The following SVOPL variants were observed in gnomAD, a reference collection of about 807,000 sequenced individuals.
SVOPL encodes the protein SVOP like, also known as putative transporter SVOPL.
SVOPL carries 60 observed loss-of-function variants against 61.0 expected under a neutral mutation model. That is an observed-to-expected ratio of 0.98 (90% CI 0.80 to 1.22). SVOPL has a LOEUF of 1.22. Ranked by LOEUF, SVOPL falls within the 50% of genes most tolerant of loss-of-function variation. The pLI is 0.00. For missense variants in SVOPL, 662 were observed against 643.9 expected (o/e 1.03, Z -0.30); for synonymous variants, 279 against 250.0 (o/e 1.12, Z -1.09).
intron 3 of SVOPL, among the ~76,000 whole-genome samples, chr7:138,676,496 G>A (rs532112405): frequency 6.6e-6 from 1 of 151,006 alleles, no homozygotes; most frequent in Non-Finnish European, 1.5e-5. Context: ...AACTCCTGCT[G>A]CATGAAGCCT....
intron 7 of SVOPL, among the ~76,000 whole-genome samples, chr7:138,652,676 T>C (rs1801499368): frequency 6.6e-6 from 1 of 151,926 alleles, no homozygotes; most frequent in Admixed American, 6.6e-5. Flanking sequence ...AATGCAATGG[T>C]GCCATCTCAG....
chr7:138,682,348 A>C (rs767099904), intron 1 of SVOPL, among the ~76,000 whole-genome samples: 5 of 152,214 alleles, frequency 3.3e-5, no homozygotes, highest in Non-Finnish European at 5.9e-5. Flanking sequence ...AATGAGATGC[A>C]ACAGGAAGAC....
intron 7 of SVOPL, among the ~76,000 whole-genome samples, chr7:138,652,418 C>T (rs533017922): frequency 4.5e-4 from 68 of 151,808 alleles, no homozygotes; most frequent in African/African-American, 1.6e-3. Flanking sequence ...AACTCCTGGC[C>T]TCAAGCAATC....
intron 8 of SVOPL, among the ~76,000 whole-genome samples, chr7:138,648,656 C>T (rs1405377401): frequency 1.3e-5 from 2 of 151,836 alleles, no homozygotes; most frequent in African/African-American, 2.4e-5. Context: ...TGCAGTGAGC[C>T]GAGGTCGCGC....
At chr7:138,630,235 C>T (rs903949152) in intron 9 of SVOPL, 113 bp from the exon 10 acceptor site, 56 of 821,566 alleles carry the variant, frequency 6.8e-5, no homozygotes, top group Non-Finnish European at 1.1e-4. Flanking sequence ...TGGTGGCCTG[C>T]GATAACCACT....
chr7:138,620,979 A>G, intron 14 of SVOPL, 67 bp downstream of exon 14: 1 of 1,403,438 alleles, frequency 7.1e-7, no homozygotes, highest in Non-Finnish European at 9.9e-7. Flanking sequence ...TTTAATCTGA[A>G]GGTCCCTGGG....
At chr7:138,675,219 A>G (rs7790139) in intron 3 of SVOPL, among the ~76,000 whole-genome samples, 4,187 of 151,840 alleles carry the variant, frequency 0.028, 205 homozygotes, top group African/African-American at 0.097. Flanking sequence ...TAGGCAACAT[A>G]GCTAGATCTC....
At chr7:138,603,976 TTTCA>T (rs1798640589) in intron 14 of SVOPL, among the ~76,000 whole-genome samples, 1 of 143,478 alleles carries the variant, frequency 7.0e-6, no homozygotes, top group Non-Finnish European at 1.5e-5. Context: ...TTTTTTTTTT[TTTCA>T]TTGAGACAGC....
At chr7:138,684,703 A>AG (rs1477369341) in intron 1 of SVOPL, among the ~76,000 whole-genome samples, 3 of 152,160 alleles carry the variant, frequency 2.0e-5, no homozygotes, top group Non-Finnish European at 4.4e-5. Flanking sequence ...AACAGTATTG[A>AG]ACTATCCTCA....
chr7:138,629,153 G>GTGTGTGTGTGTGTGTGTGTGTGTGTGTA (rs10624737), intron 10 of SVOPL, among the ~76,000 whole-genome samples: 4 of 147,282 alleles, frequency 2.7e-5, no homozygotes, highest in African/African-American at 1.0e-4. Flanking sequence ...GTGTGTGTGT[G>GTGTGTGTGTGTGTGTGTGTGTGTGTGTA]TATATATGTA....
At chr7:138,651,248 C>T (rs145245282) in intron 7 of SVOPL, among the ~76,000 whole-genome samples, 6 of 152,234 alleles carry the variant, frequency 3.9e-5, no homozygotes, top group East Asian at 1.9e-4. Flanking sequence ...CCAGTGAAAC[C>T]GGTCATCAGA....
chr7:138,624,753 A>G (rs1291301996), intron 13 of SVOPL, among the ~76,000 whole-genome samples: 1 of 150,378 alleles, frequency 6.6e-6, no homozygotes, highest in East Asian at 2.0e-4. Flanking sequence ...GCTGGAGTGC[A>G]GTGGTGCCAT....
chr7:138,651,340 C>T (rs1424208324), intron 7 of SVOPL, among the ~76,000 whole-genome samples: 2 of 152,214 alleles, frequency 1.3e-5, no homozygotes, highest in Non-Finnish European at 2.9e-5. Flanking sequence ...CCTATGGCTT[C>T]AAGCATTCCC....
chr7:138,663,169 C>T lies in SVOPL; in HGVS notation c.274-24G>A, dbSNP rs769601540. The T allele has an allele frequency of 8.1e-6, 13 of 1,609,102 alleles. No homozygotes were observed. The Admixed American group carries it at 1.0e-4, about 13-fold the overall frequency. ...ATCTGCAAGTGGGAGCGAGATAAAA[C>T]GGTTCTCTAAGCAGGTTTTACATGT... On this transcript the variant is annotated intron_variant, in intron 4 of 15. Transcript: ENST00000674285.
In SVOPL at chr7:138,622,182, GTATCTATCTATC is replaced by G. The variant is rs1297555390; in HGVS notation, c.1264-1059_1264-1048del. ...TCTGTCTATGTATCTATCTGTCTAT[GTATCTATCTATC>G]TATCTATGTATCTATCTATCTATCT... On this transcript the variant is annotated intron_variant, in intron 13 of 15. Transcript: ENST00000674285. Among the ~76,000 whole-genome samples the G allele has an allele frequency of 1.1e-4, 5 of 47,378 alleles. 1 individual carries two copies. Among genetic ancestry groups the G allele is most frequent in the Non-Finnish European group, 1.2e-4 (3 of 24,400 alleles). The allele number at this position is 47,378 out of a possible 152,430, so 31.1% of individuals were successfully genotyped here. A position where few individuals can be genotyped will look rare whatever the true frequency, so the allele number is the denominator to read the frequency against.
chr7:138,594,721 T>TA (rs922603350), intron 15 of SVOPL, 100 bp from the exon 16 acceptor site: 2 of 828,104 alleles, frequency 2.4e-6, no homozygotes, highest in Admixed American at 3.3e-5. Context: ...GATTCTTTAA[T>TA]AAAAAATTAT....
chr7:138,632,801 T>C (rs1452226193), intron 9 of SVOPL, among the ~76,000 whole-genome samples: 1 of 152,132 alleles, frequency 6.6e-6, no homozygotes, highest in African/African-American at 2.4e-5. Context: ...TCCTCAGTCC[T>C]GGAGTTGCAA....
At chr7:138,632,083 G>A (rs930875376) in intron 9 of SVOPL, among the ~76,000 whole-genome samples, 16 of 152,118 alleles carry the variant, frequency 1.1e-4, no homozygotes, top group Admixed American at 9.2e-4. Context: ...TTGTAAGACT[G>A]TGACCAGAAT....
chr7:138,619,311 G>A (rs568106552), intron 14 of SVOPL, among the ~76,000 whole-genome samples: 2 of 152,148 alleles, frequency 1.3e-5, no homozygotes, highest in East Asian at 3.9e-4. Context: ...GGGAGGCTCA[G>A]GTGGGAGGAT....
Sources: allele counts gnomAD v4.1 joint callset (sites outside exome capture counted in the v4.1 genomes callset), GRCh38; gene constraint gnomAD v4.1.1; transcripts MANE v1.5; gene names NCBI Gene and HGNC (gene_info 2026-07-23, HGNC 2026-07-21).